SLC24A3: variants seen among roughly 807,000 people sequenced by gnomAD.
SLC24A3 encodes the protein solute carrier family 24 member 3.
A neutral mutation model predicts 75.8 loss-of-function variants in SLC24A3; 28 were observed. The observed-to-expected ratio is 0.37, with a 90% confidence interval of 0.27 to 0.51. The LOEUF (loss-of-function observed/expected upper bound fraction) is 0.51, where lower values mean the gene tolerates loss of function less well. Among genes scored for constraint, SLC24A3 ranks in the 20% least tolerant of loss-of-function variants. The pLI is 0.94. For missense variants in SLC24A3, 663 were observed against 847.8 expected (o/e 0.78, Z 2.71); for synonymous variants, 372 against 334.1 (o/e 1.11, Z -1.24).
chr20:19,365,005 AG>A (rs1377625630), intron 2 of SLC24A3, among the ~76,000 whole-genome samples: 1 of 152,040 alleles, frequency 6.6e-6, no homozygotes, highest in African/African-American at 2.4e-5. Context: ...GACCACAGAG[AG>A]GGGATCCAAG....
intron 3 of SLC24A3, among the ~76,000 whole-genome samples, chr20:19,535,703 G>T (rs1468129211): frequency 2.0e-5 from 3 of 152,214 alleles, no homozygotes; most frequent in Non-Finnish European, 4.4e-5. Context: ...TTTTGAAGTT[G>T]TGTCTGCATA....
intron 1 of SLC24A3, among the ~76,000 whole-genome samples, chr20:19,275,334 G>T (rs1257622335): frequency 6.6e-6 from 1 of 152,170 alleles, no homozygotes; most frequent in South Asian, 2.1e-4. Context: ...GGTATAGGAA[G>T]GGTGCTTGGC....
At chr20:19,517,612 C>T (rs749995143) in intron 3 of SLC24A3, among the ~76,000 whole-genome samples, 1 of 152,190 alleles carries the variant, frequency 6.6e-6, no homozygotes, top group African/African-American at 2.4e-5. Flanking sequence ...ACTGTTAGCC[C>T]CTGCCCTGGG....
At position 19,722,247 on chromosome 20, in the gene SLC24A3, C is replaced by T. The variant is rs2033111839; in HGVS notation, c.*1107C>T. 1 of 152,664 alleles carries T rather than the reference C, an allele frequency of 6.6e-6. No homozygotes were observed. The highest frequency in any genetic ancestry group is 2.4e-5 in the African/African-American group (1 of 41,438). The allele number at this position is 152,664 out of a possible 1,614,324, so 9.5% of individuals were successfully genotyped here. On this transcript the variant is annotated 3_prime_UTR_variant, in exon 17 of 17. Coordinates refer to ENST00000328041, the MANE Select transcript of SLC24A3 (RefSeq NM_020689.4). ...CGTCGTCAATTAAGTCCCAATTTGCCACTTGGTATTGAGTACACTGGACCC... is the reference window on the plus strand; with the variant it reads ...CGTCGTCAATTAAGTCCCAATTTGCTACTTGGTATTGAGTACACTGGACCC...
At chr20:19,626,702 C>T (rs1488104798) in intron 6 of SLC24A3, among the ~76,000 whole-genome samples, 1 of 152,196 alleles carries the variant, frequency 6.6e-6, no homozygotes, top group Non-Finnish European at 1.5e-5. Flanking sequence ...GGCTTTGCTC[C>T]ATCTCATAAG....
intron 15 of SLC24A3, among the ~76,000 whole-genome samples, chr20:19,711,749 C>G (rs1568707963): frequency 6.6e-6 from 1 of 152,084 alleles, no homozygotes; most frequent in East Asian, 1.9e-4. Flanking sequence ...AAGCAATTCT[C>G]CTGCTTCAGC....
At chr20:19,245,349 C>G (rs1027455161) in intron 1 of SLC24A3, among the ~76,000 whole-genome samples, 2 of 151,958 alleles carry the variant, frequency 1.3e-5, no homozygotes, top group South Asian at 4.2e-4. Flanking sequence ...TAAATAACTT[C>G]AAATAATAAT....
At chr20:19,585,312 C>A in intron 5 of SLC24A3, 129 bp from the exon 6 acceptor site, 1 of 916,374 alleles carries the variant, frequency 1.1e-6, no homozygotes, top group Non-Finnish European at 1.7e-6. Context: ...GATTAGAAAG[C>A]TCTCTCCACC....
chr20:19,445,356 G>A (rs1987363382), intron 2 of SLC24A3, among the ~76,000 whole-genome samples: 2 of 152,222 alleles, frequency 1.3e-5, no homozygotes, highest in South Asian at 4.1e-4. Context: ...AAAGATAGTA[G>A]CAGCAGAATT....
chr20:19,279,752 G>T (rs568910745), intron 1 of SLC24A3, among the ~76,000 whole-genome samples: 1 of 152,070 alleles, frequency 6.6e-6, no homozygotes, highest in African/African-American at 2.4e-5. Flanking sequence ...TTTTCTGCCC[G>T]AGGTTCCTCC....
chr20:19,532,071 G>A (rs1002294925), intron 3 of SLC24A3, among the ~76,000 whole-genome samples: 25 of 152,234 alleles, frequency 1.6e-4, no homozygotes, highest in African/African-American at 5.8e-4. Context: ...GGGGAGGGCA[G>A]CCCTCTTCCC....
intron 2 of SLC24A3, among the ~76,000 whole-genome samples, chr20:19,285,372 G>A (rs1046792745): frequency 6.6e-6 from 1 of 151,296 alleles, no homozygotes. Flanking sequence ...CAGCTACTTG[G>A]GGGGCTGAGG....
chr20:19,295,663 CT>C (rs1984040061), intron 2 of SLC24A3, among the ~76,000 whole-genome samples: 1 of 152,120 alleles, frequency 6.6e-6, no homozygotes, highest in East Asian at 1.9e-4. Context: ...CATTTATTGA[CT>C]TGCATATGTT....
intron 2 of SLC24A3, among the ~76,000 whole-genome samples, chr20:19,504,194 A>T (rs1332449372): frequency 6.6e-6 from 1 of 152,212 alleles, no homozygotes; most frequent in Non-Finnish European, 1.5e-5. Flanking sequence ...GAATAACAAC[A>T]TCAGGAGGAA....
At chr20:19,277,206 T>A (rs1418950446) in intron 1 of SLC24A3, among the ~76,000 whole-genome samples, 1 of 152,232 alleles carries the variant, frequency 6.6e-6, no homozygotes, top group African/African-American at 2.4e-5. Flanking sequence ...TGTGTGACCT[T>A]GGGCAAGATA....
chr20:19,515,503 C>G lies in SLC24A3; in HGVS notation c.287C>G (p.Pro96Arg). Residue 96 changes from proline (P) to arginine (R), a missense_variant, in exon 3 of 17, where the codon CCC becomes CGC. Around this residue, in one of 2 missense-constraint regions of SLC24A3, gnomAD observed 153 missense variants for 144.2 expected, o/e 1.06. Transcript: ENST00000328041. ...TGTTCTTTAGCCCTGCATGAATTCC[C>G]CAATGACATCTTCACAAACGAGGAT... The part of the protein sequence containing the change: ...NCTEPALHEF[P>R]NDIFTNEDRR... 6.2e-7 allele frequency: 1 copy of G among 1,614,198 alleles called. No homozygotes were observed. Among genetic ancestry groups the G allele is most frequent in the Non-Finnish European group, 8.5e-7 (1 of 1,180,016 alleles).
rs539430850 is a variant in SLC24A3 at position 19,650,834 on chromosome 20, G to C, written c.613-3228G>C. On this transcript the variant is annotated intron_variant, in intron 6 of 16. Transcript: ENST00000328041. Reference sequence around the variant, plus strand: ...TAATTGTCTTTTTTATTGTTTGCTTGCTTAGTTTTCTATGTTCTATTCTTA... The same window carrying C: ...TAATTGTCTTTTTTATTGTTTGCTTCCTTAGTTTTCTATGTTCTATTCTTA... Among the ~76,000 whole-genome samples the C allele has an allele frequency of 2.6e-4, 39 of 152,166 alleles. 1 individual carries two copies. The South Asian group carries it at 6.9e-3, about 27-fold the overall frequency.
chr20:19,517,822 C>G (rs932620736), intron 3 of SLC24A3, among the ~76,000 whole-genome samples: 2 of 152,208 alleles, frequency 1.3e-5, no homozygotes, highest in Non-Finnish European at 2.9e-5. Context: ...AGCTTCAACA[C>G]ACAACATACA....
intron 2 of SLC24A3, among the ~76,000 whole-genome samples, chr20:19,318,904 C>CT (rs925850176): frequency 7.2e-5 from 11 of 151,970 alleles, no homozygotes; most frequent in South Asian, 2.1e-4. Context: ...CTAAATGATG[C>CT]TTTTTTTTCT....
Sources: gnomAD v4.1 joint callset for allele counts (sites outside exome capture counted in the v4.1 genomes callset) on GRCh38, gnomAD v4.1.1 for gene constraint, gnomAD v4.1.1 regional missense constraint, MANE v1.5 for transcripts, NCBI Gene and HGNC (gene_info 2026-07-23, HGNC 2026-07-21) for gene names.